KIAA0513: variants seen among roughly 807,000 people sequenced by gnomAD.
The protein encoded by KIAA0513 is uncharacterized protein KIAA0513.
Under a neutral mutation model 56.5 loss-of-function variants are expected in KIAA0513, and 39 were observed. That is an observed-to-expected ratio of 0.69 (90% CI 0.53 to 0.90). The LOEUF is 0.90. KIAA0513 is among the 40% of genes least tolerant of loss of function. The pLI, the probability that KIAA0513 is intolerant of heterozygous loss-of-function variation, is 0.00. For synonymous variants in KIAA0513, 268 were observed against 215.6 expected (o/e 1.24, Z -2.13); for missense variants, 591 against 535.2 (o/e 1.10, Z -1.03).
At chr16:85,087,386 G>T (rs979955509) in intron 12 of KIAA0513, among the ~76,000 whole-genome samples, 1 of 152,232 alleles carries the variant, frequency 6.6e-6, no homozygotes, top group African/African-American at 2.4e-5. Context: ...CTGCTAGATG[G>T]GATTGCGGGC....
At chr16:85,075,159 T>G (rs1482612998) in intron 4 of KIAA0513, among the ~76,000 whole-genome samples, 1 of 140,252 alleles carries the variant, frequency 7.1e-6, no homozygotes, top group Non-Finnish European at 1.6e-5. Context: ...TTTAGTCTTT[T>G]ATAGTTTTAT....
rs899533962 is a variant in KIAA0513, at chr16:85,092,551, C to G, written c.*4226C>G. 2 of 152,186 alleles carry G rather than the reference C, an allele frequency of 1.3e-5. No individual in the cohort carries two copies. Among genetic ancestry groups the G allele is most frequent in the Admixed American group, 1.3e-4 (2 of 15,278 alleles). 9.4% of individuals were successfully genotyped at this position (152,186 alleles called of 1,614,324 possible). ...CAGTTTCCGCAGCCACAAGGCGAAA[C>G]GGCCAGATTCTCACTCAAGGTCGTT... is the stretch of plus-strand genomic sequence containing the variant. On this transcript the variant is annotated 3_prime_UTR_variant, in exon 13 of 13. Transcript: ENST00000683363.
intron 1 of KIAA0513, among the ~76,000 whole-genome samples, chr16:85,066,391 G>C (rs745892928): frequency 1.3e-5 from 2 of 152,204 alleles, no homozygotes; most frequent in Non-Finnish European, 2.9e-5. Context: ...CATAGGGTTT[G>C]AGAAGGATGC....
At chr16:85,086,009 G>A (rs546669489) in intron 10 of KIAA0513, among the ~76,000 whole-genome samples, 1 of 152,334 alleles carries the variant, frequency 6.6e-6, no homozygotes, top group East Asian at 1.9e-4. Context: ...ACTAGAGAGA[G>A]CATTGAGGGC....
chr16:85,077,323 C>T lies in KIAA0513; in HGVS notation c.575-102C>T, dbSNP rs971683850. On this transcript the variant is annotated intron_variant, in intron 5 of 12. Transcript: ENST00000683363. ...GGCTGAGGAGGGAGGCTCCCGTATC[C>T]CCACTGCACAGGACCCCTGCGGGGC... 8 of 1,072,090 alleles carry T rather than the reference C, an allele frequency of 7.5e-6. No individual in the cohort carries two copies. The East Asian group carries it at 1.8e-4, about 24-fold the overall frequency. The allele number at this position is 1,072,090 out of a possible 1,614,324, so 66.4% of individuals were successfully genotyped here.
At chr16:85,083,197 A>G (rs1276081641) in intron 10 of KIAA0513, among the ~76,000 whole-genome samples, 2 of 152,160 alleles carry the variant, frequency 1.3e-5, no homozygotes, top group East Asian at 3.9e-4. Flanking sequence ...GAAATCCGAG[A>G]ATGGGGCTGT....
Position 85,089,722 on chromosome 16 carries a change from G to C in KIAA0513, c.*1397G>C, listed in dbSNP as rs953047479. ...GTCAGATAAGTCCCGTCTTGTTTGTGAGTACCACAGAAACGCCTGAGAGTC... is the reference window on the plus strand; with the variant it reads ...GTCAGATAAGTCCCGTCTTGTTTGTCAGTACCACAGAAACGCCTGAGAGTC... On this transcript the variant is annotated 3_prime_UTR_variant, in exon 13 of 13. Transcript: ENST00000683363. This position sits in a 1 kb window ranked among gnomAD's most constrained non-coding sequence, Gnocchi z 4.2. The C allele has an allele frequency of 2.0e-5, 3 of 152,142 alleles. No homozygotes were observed. The highest frequency in any genetic ancestry group is 4.4e-5 in the Non-Finnish European group (3 of 68,062). 9.4% of individuals were successfully genotyped at this position (152,142 alleles called of 1,614,324 possible).
intron 1 of KIAA0513, among the ~76,000 whole-genome samples, chr16:85,045,330 A>G (rs564021050): frequency 8.5e-5 from 13 of 152,172 alleles, no homozygotes; most frequent in African/African-American, 2.6e-4. Context: ...GAGAGTCTTT[A>G]TATTTGATAC....
intron 1 of KIAA0513, among the ~76,000 whole-genome samples, chr16:85,052,428 C>T (rs1419007935): frequency 6.6e-6 from 1 of 152,170 alleles, no homozygotes; most frequent in Non-Finnish European, 1.5e-5. Flanking sequence ...ACCAGAATCG[C>T]TTGAACCTGG....
intron 2 of KIAA0513, among the ~76,000 whole-genome samples, chr16:85,069,320 C>T (rs2073537383): frequency 1.3e-5 from 2 of 151,976 alleles, no homozygotes; most frequent in Admixed American, 6.6e-5. Flanking sequence ...AAGCAGTCCT[C>T]CTGCCACGAC....
rs974231876 is a variant in KIAA0513, at chr16:85,081,112, C to T, written c.903-203C>T. Among the ~76,000 whole-genome samples the T allele has an allele frequency of 6.6e-6, 1 of 152,218 alleles. No individual in the cohort carries two copies. Among genetic ancestry groups the T allele is most frequent in the Non-Finnish European group, 1.5e-5 (1 of 68,046 alleles). On this transcript the variant is annotated intron_variant, in intron 8 of 12. Coordinates refer to ENST00000683363, the MANE Select transcript of KIAA0513 (RefSeq NM_001388359.1). This position sits in a 1 kb window ranked among gnomAD's most constrained non-coding sequence, Gnocchi z 4.4. Reference sequence around the variant, plus strand: ...TGCGCCATCTCTCCTAAGAGATACGCAGCCGCTGGGAGCCCCAGGGAAACA... The same window carrying T: ...TGCGCCATCTCTCCTAAGAGATACGTAGCCGCTGGGAGCCCCAGGGAAACA...
intron 1 of KIAA0513, among the ~76,000 whole-genome samples, chr16:85,049,339 G>A (rs927066263): frequency 6.6e-6 from 1 of 152,188 alleles, no homozygotes; most frequent in Non-Finnish European, 1.5e-5. Flanking sequence ...TGGGGCCAGC[G>A]GGAGCTGAGC....
chr16:85,077,482 C>T lies in KIAA0513; in HGVS notation c.632C>T (p.Ser211Phe), dbSNP rs752373730. 2.5e-6 allele frequency: 4 copies of T among 1,614,188 alleles called. No homozygotes were observed. The highest frequency in any genetic ancestry group is 1.6e-4 in the Middle Eastern group (1 of 6,062). ...GAGAAGCCCGCGGGCAGCATCGACT[C>T]CTACCTGAAATCCGCAAACAGCTGG... ...SREKPAGSIDSYLKSANSWLA... is the reference protein window; with the variant it reads ...SREKPAGSIDFYLKSANSWLA... The change falls in exon 6 of 13, where the codon TCC becomes TTC. Residue 211 changes from serine (S) to phenylalanine (F), a missense_variant. By Grantham distance (155) the Ser-to-Phe change is radical. Transcript: ENST00000683363.
At chr16:85,060,307 T>C (rs11648527) in intron 1 of KIAA0513, among the ~76,000 whole-genome samples, 29,011 of 152,072 alleles carry the variant, frequency 0.19, 3,948 homozygotes, top group African/African-American at 0.39. Flanking sequence ...GACGAAGAGG[T>C]GCATTTTTCC....
chr16:85,056,730 C>A (rs776440449), intron 1 of KIAA0513, among the ~76,000 whole-genome samples: 13 of 152,158 alleles, frequency 8.5e-5, no homozygotes, highest in Non-Finnish European at 1.5e-4. Flanking sequence ...GGTGGGGTCT[C>A]ACTCTGTCAC....
chr16:85,073,760 C>T (rs543471906), intron 4 of KIAA0513, among the ~76,000 whole-genome samples: 2 of 152,326 alleles, frequency 1.3e-5, no homozygotes, highest in South Asian at 4.1e-4. Context: ...CTGTACCCCA[C>T]TATCCTCGTC....
chr16:85,056,321 C>T (rs2073328971), intron 1 of KIAA0513, among the ~76,000 whole-genome samples: 1 of 152,222 alleles, frequency 6.6e-6, no homozygotes. Context: ...CCTCTCAACA[C>T]CGCCATGAGA....
chr16:85,033,336 A>G (rs1174841149), intron 1 of KIAA0513, among the ~76,000 whole-genome samples: 1 of 152,156 alleles, frequency 6.6e-6, no homozygotes, highest in Non-Finnish European at 1.5e-5. Flanking sequence ...CAGCTGCTTC[A>G]GGTCAGGATG....
intron 11 of KIAA0513, 53 bp from the exon 12 acceptor site, chr16:85,087,019 G>C: frequency 6.4e-7 from 1 of 1,557,174 alleles, no homozygotes; most frequent in East Asian, 2.2e-5. Flanking sequence ...CCAGCTCCCC[G>C]GCCCTTTCCC....
Sources: gnomAD v4.1 joint callset for allele counts (sites outside exome capture counted in the v4.1 genomes callset) on GRCh38, gnomAD v4.1.1 for gene constraint, Gnocchi (gnomAD v3.1) non-coding constraint, MANE v1.5 for transcripts, NCBI Gene and HGNC (gene_info 2026-07-23, HGNC 2026-07-21) for gene names.